CCSER1: variants seen among roughly 807,000 people sequenced by gnomAD.
CCSER1 encodes coiled-coil serine rich protein 1.
In CCSER1, 41 loss-of-function variants were observed where a neutral mutation model predicts 82.0. That is an observed-to-expected ratio of 0.50 (90% CI 0.39 to 0.65). The LOEUF (loss-of-function observed/expected upper bound fraction) is 0.65. Among genes scored for constraint, CCSER1 ranks in the 30% least tolerant of loss-of-function variants. The pLI is 0.00. For missense variants in CCSER1, 1,119 were observed against 1,064.2 expected (o/e 1.05, Z -0.72); for synonymous variants, 414 against 383.9 (o/e 1.08, Z -0.92).
At chr4:91,180,721 G>A (rs967131389) in intron 10 of CCSER1, among the ~76,000 whole-genome samples, 15 of 152,162 alleles carry the variant, frequency 9.9e-5, no homozygotes, top group African/African-American at 2.2e-4. Flanking sequence ...CTAACTCAGC[G>A]GCACTAGAGG....
intron 3 of CCSER1, among the ~76,000 whole-genome samples, chr4:90,329,842 T>G (rs988522890): frequency 1.2e-4 from 19 of 152,162 alleles, no homozygotes; most frequent in Non-Finnish European, 1.0e-4. Flanking sequence ...CAGAGAAATT[T>G]AATTTGCATT....
chr4:91,550,374 C>T (rs1338551824), intron 10 of CCSER1, among the ~76,000 whole-genome samples: 1 of 152,158 alleles, frequency 6.6e-6, no homozygotes, highest in Admixed American at 6.5e-5. Context: ...CAGGGGGTCT[C>T]CAGCAATTCA....
At chr4:90,493,011 CT>C (rs1768318280) in intron 5 of CCSER1, among the ~76,000 whole-genome samples, 1 of 152,010 alleles carries the variant, frequency 6.6e-6, no homozygotes, top group African/African-American at 2.4e-5. Flanking sequence ...AGATAAAAAC[CT>C]TGAAAAAAGA....
chr4:90,302,423 G>A (rs1350896115), intron 1 of CCSER1, among the ~76,000 whole-genome samples: 1 of 152,120 alleles, frequency 6.6e-6, no homozygotes, highest in African/African-American at 2.4e-5. Flanking sequence ...ATAGTAGGAG[G>A]CTTTTGCCAT....
chr4:90,147,511 A>G (rs1726037461), intron 1 of CCSER1, among the ~76,000 whole-genome samples: 1 of 152,182 alleles, frequency 6.6e-6, no homozygotes, highest in Non-Finnish European at 1.5e-5. Context: ...ATGTTCAAGT[A>G]CCTTACAGGC....
At position 91,471,826 on chromosome 4, in the gene CCSER1, C is replaced by T. The variant is rs762992617; in HGVS notation, c.2218-126746C>T. On this transcript the variant is annotated intron_variant, in intron 10 of 10. Coordinates refer to ENST00000509176, the MANE Select transcript of CCSER1 (RefSeq NM_001145065.2). Reference sequence around the variant, plus strand: ...CTACTAAAAATACAAAAAAAGTAGCCGGGCATAGTGGCGGGCGCCTGTAGT... The same window carrying T: ...CTACTAAAAATACAAAAAAAGTAGCTGGGCATAGTGGCGGGCGCCTGTAGT... Among the ~76,000 whole-genome samples, 13 of 151,622 alleles carry T rather than the reference C, an allele frequency of 8.6e-5. 1 individual carries two copies. The highest frequency in any genetic ancestry group is 2.0e-4 in the Admixed American group (3 of 15,206).
At chr4:90,570,777 T>C (rs1438625078) in intron 5 of CCSER1, among the ~76,000 whole-genome samples, 1 of 152,164 alleles carries the variant, frequency 6.6e-6, no homozygotes, top group East Asian at 1.9e-4. Flanking sequence ...GGTATGAGCA[T>C]GGCAGAGTAA....
At chr4:91,287,338 C>A (rs898036620) in intron 10 of CCSER1, among the ~76,000 whole-genome samples, 16 of 151,938 alleles carry the variant, frequency 1.1e-4, no homozygotes, top group Admixed American at 6.6e-5. Flanking sequence ...ATTCCCTTTT[C>A]TTTTCAATTA....
chr4:90,852,216 G>A (rs1763969995), intron 8 of CCSER1, among the ~76,000 whole-genome samples: 1 of 152,176 alleles, frequency 6.6e-6, no homozygotes. Context: ...CCCTAAAGCT[G>A]AGATCTAGAT....
chr4:90,884,551 A>G (rs940466905), intron 8 of CCSER1, among the ~76,000 whole-genome samples: 29 of 152,174 alleles, frequency 1.9e-4, no homozygotes, highest in Admixed American at 4.6e-4. Context: ...AGCTCTATAC[A>G]GAAGACTTGA....
intron 5 of CCSER1, among the ~76,000 whole-genome samples, chr4:90,593,461 G>A (rs79396793): frequency 0.019 from 2,914 of 152,250 alleles, 106 homozygotes; most frequent in African/African-American, 0.067. Context: ...CCCTGTTACA[G>A]AATTTTTGGG....
intron 10 of CCSER1, among the ~76,000 whole-genome samples, chr4:91,189,038 C>A (rs1004474175): frequency 2.0e-5 from 3 of 152,050 alleles, no homozygotes; most frequent in Non-Finnish European, 4.4e-5. Flanking sequence ...TTTTCTAGGT[C>A]TCTGCAAACC....
At chr4:91,469,575 G>C (rs1000960097) in intron 10 of CCSER1, among the ~76,000 whole-genome samples, 1 of 152,124 alleles carries the variant, frequency 6.6e-6, no homozygotes, top group Non-Finnish European at 1.5e-5. Flanking sequence ...GGGTGAAAGA[G>C]AATCATACCA....
intron 7 of CCSER1, among the ~76,000 whole-genome samples, chr4:90,753,743 C>T (rs934820493): frequency 6.6e-6 from 1 of 152,092 alleles, no homozygotes; most frequent in Non-Finnish European, 1.5e-5. Flanking sequence ...CCAGTGCCTT[C>T]ATATCAAACG....
intron 10 of CCSER1, among the ~76,000 whole-genome samples, chr4:91,353,732 G>T (rs1042348666): frequency 1.3e-5 from 2 of 151,920 alleles, no homozygotes; most frequent in African/African-American, 4.9e-5. Context: ...GGTGAACTAA[G>T]GTAGCGATGA....
chr4:91,400,434 A>C (rs924056134), intron 10 of CCSER1, among the ~76,000 whole-genome samples: 9 of 151,294 alleles, frequency 5.9e-5, no homozygotes, highest in African/African-American at 2.2e-4. Context: ...TAGACTTTTA[A>C]GCAATATATG....
chr4:90,696,439 G>A (rs184487787), intron 6 of CCSER1, among the ~76,000 whole-genome samples: 6 of 152,148 alleles, frequency 3.9e-5, no homozygotes, highest in Admixed American at 3.3e-4. Context: ...TTTAAGTCCT[G>A]TTAAGCAGAA....
intron 1 of CCSER1, among the ~76,000 whole-genome samples, chr4:90,228,548 C>G (rs975421265): frequency 6.6e-6 from 1 of 152,088 alleles, no homozygotes; most frequent in African/African-American, 2.4e-5. Context: ...ACTGGAAACT[C>G]TAAAACGCAG....
intron 3 of CCSER1, among the ~76,000 whole-genome samples, chr4:90,380,705 T>A (rs1749068476): frequency 6.6e-6 from 1 of 152,242 alleles, no homozygotes; most frequent in Admixed American, 6.5e-5. Context: ...AAAGTTGTCA[T>A]TTTCCATACC....
Sources: allele counts gnomAD v4.1 joint callset (sites outside exome capture counted in the v4.1 genomes callset), GRCh38; gene constraint gnomAD v4.1.1; transcripts MANE v1.5; gene names NCBI Gene and HGNC (gene_info 2026-07-23, HGNC 2026-07-21).